PTPRQ: variants seen among roughly 807,000 people sequenced by gnomAD.
PTPRQ encodes protein tyrosine phosphatase receptor type Q.
A neutral mutation model predicts 246.0 loss-of-function variants in PTPRQ; 199 were observed. That is an observed-to-expected ratio of 0.81 (90% CI 0.72 to 0.91). The LOEUF (loss-of-function observed/expected upper bound fraction) is 0.91, where lower values mean the gene tolerates loss of function less well. Ranked by LOEUF, PTPRQ falls within the 40% of genes least tolerant of loss-of-function variation. The pLI, the probability that PTPRQ is intolerant of heterozygous loss-of-function variation, is 0.00. For missense variants in PTPRQ, 2,624 were observed against 2,528.4 expected, an observed-to-expected ratio of 1.04 and a Z score of -0.81; for synonymous variants, 869 against 853.2, an observed-to-expected ratio of 1.02 and a Z score of -0.32.
chr12:80,583,603 C>T (rs1565800915), intron 25 of PTPRQ: 1 of 152,148 alleles, frequency 6.6e-6, no homozygotes, highest in Non-Finnish European at 1.5e-5. Context: ...TAAGCAGAGG[C>T]TGGGTAAGTA....
chr12:80,471,032 C>T (rs967988689), intron 7 of PTPRQ, among the ~76,000 whole-genome samples: 1 of 152,110 alleles, frequency 6.6e-6, no homozygotes, highest in African/African-American at 2.4e-5. Context: ...AGATGGTAGC[C>T]TTGAACCAAA....
In PTPRQ at chr12:80,603,496, C is replaced by G. The variant is rs1351132345; in HGVS notation, c.4610-1563C>G. Among the ~76,000 whole-genome samples the G allele has an allele frequency of 5.3e-5, 8 of 151,740 alleles. No individual in the cohort carries two copies. The East Asian group carries it at 1.6e-3, about 30-fold the overall frequency. ...TTTATTCCTCCATAAATACTGGTCTCTCTGTGATAGTTCTGTTTCTTGGAT... is the reference window on the plus strand; with the variant it reads ...TTTATTCCTCCATAAATACTGGTCTGTCTGTGATAGTTCTGTTTCTTGGAT... On this transcript the variant is annotated intron_variant, in intron 26 of 44. Transcript: ENST00000644991.
chr12:80,578,644 T>C (rs1226209429), intron 25 of PTPRQ, among the ~76,000 whole-genome samples: 2 of 152,146 alleles, frequency 1.3e-5, no homozygotes, highest in South Asian at 2.1e-4. Context: ...CCGCCCGCCT[T>C]GGCCTCCCAA....
chr12:80,521,485 T>TA (rs1298752304), intron 17 of PTPRQ, among the ~76,000 whole-genome samples: 1 of 152,250 alleles, frequency 6.6e-6, no homozygotes, highest in Non-Finnish European at 1.5e-5. Flanking sequence ...CTAGAGTTTT[T>TA]ATGGTTTTAG....
chr12:80,533,294 G>C (rs2030860937), intron 17 of PTPRQ, among the ~76,000 whole-genome samples: 2 of 151,834 alleles, frequency 1.3e-5, no homozygotes. Flanking sequence ...GTTATATTTT[G>C]TTCTTTAGAC....
chr12:80,556,668 T>A (rs1756987707), intron 25 of PTPRQ, among the ~76,000 whole-genome samples: 1 of 152,318 alleles, frequency 6.6e-6, no homozygotes, highest in South Asian at 2.1e-4. Context: ...ATATCTTGGA[T>A]GGTTAGGTTG....
chr12:80,671,218 G>A (rs983204213), intron 42 of PTPRQ, among the ~76,000 whole-genome samples: 3 of 151,940 alleles, frequency 2.0e-5, no homozygotes, highest in Admixed American at 1.3e-4. Context: ...TAAAATATAT[G>A]AACAATGCTT....
At chr12:80,660,686 A>C (rs1224826161) in intron 39 of PTPRQ, among the ~76,000 whole-genome samples, 2 of 152,024 alleles carry the variant, frequency 1.3e-5, no homozygotes, top group Non-Finnish European at 2.9e-5. Flanking sequence ...ATTAAAGGCT[A>C]TCATGCAAAT....
rs1310256282 is a variant in PTPRQ at position 80,502,010 on chromosome 12, T to G, written c.2273-4014T>G. ...TTTTGATAAGAAGTGGAGAGTAGAC[T>G]TCAGTAATAGCTGAAGGAACAAGTG... On this transcript the variant is annotated intron_variant, in intron 14 of 44. Coordinates refer to ENST00000644991, the MANE Select transcript of PTPRQ (RefSeq NM_001145026.2). Among the ~76,000 whole-genome samples the G allele has an allele frequency of 3.9e-5, 6 of 152,008 alleles. No homozygotes were observed. The East Asian group carries it at 1.2e-3, about 29-fold the overall frequency.
At chr12:80,465,497 T>G (rs2120509979) in intron 6 of PTPRQ, 1 of 152,288 alleles carries the variant, frequency 6.6e-6, no homozygotes, top group East Asian at 1.9e-4. Flanking sequence ...CCTCCCTAAC[T>G]CATTTTATGA....
chr12:80,554,141 T>C (rs2120890326), intron 25 of PTPRQ, among the ~76,000 whole-genome samples: 1 of 152,292 alleles, frequency 6.6e-6, no homozygotes, highest in East Asian at 1.9e-4. Context: ...GAATAAGGTC[T>C]AGTATTTGAT....
chr12:80,582,291 T>A (rs1897465807), intron 25 of PTPRQ, among the ~76,000 whole-genome samples: 1 of 152,154 alleles, frequency 6.6e-6, no homozygotes, highest in Non-Finnish European at 1.5e-5. Context: ...GGTTTATGCT[T>A]GCTGTGCTGG....
intron 19 of PTPRQ, among the ~76,000 whole-genome samples, chr12:80,539,257 A>C (rs73150703): frequency 0.045 from 6,855 of 152,204 alleles, 183 homozygotes; most frequent in African/African-American, 0.062. Flanking sequence ...AACTGTGAGA[A>C]GTAAAGTCTG....
At position 80,483,391 on chromosome 12, in the gene PTPRQ, G is replaced by T. The variant is rs1289237337; in HGVS notation, c.1187-1042G>T. ...GGGCCTGTTGTGGGGTGGGGGGAGG[G>T]GGGAGGGATAGCATTGGGAGATATA... On this transcript the variant is annotated intron_variant, in intron 8 of 44. Transcript: ENST00000644991. Among the ~76,000 whole-genome samples the T allele has an allele frequency of 4.1e-3, 443 of 108,280 alleles. 3 individuals are homozygous for T. The highest frequency in any genetic ancestry group is 0.027 in the Admixed American group (247 of 9,308). 71.0% of individuals were successfully genotyped at this position (108,280 alleles called of 152,430 possible).
chr12:80,628,343 C>T (rs78393987), intron 33 of PTPRQ, among the ~76,000 whole-genome samples: 505 of 152,114 alleles, frequency 3.3e-3, no homozygotes, highest in Non-Finnish European at 5.6e-3. Context: ...GCAGGATAGC[C>T]ACAGGAACTC....
At chr12:80,531,907 G>GC (rs1286882661) in intron 17 of PTPRQ, among the ~76,000 whole-genome samples, 2 of 152,106 alleles carry the variant, frequency 1.3e-5, no homozygotes, top group East Asian at 3.9e-4. Context: ...GAACTACTAT[G>GC]TTTTTATTAA....
At chr12:80,475,829 A>G (rs1395487859) in intron 8 of PTPRQ, among the ~76,000 whole-genome samples, 2 of 152,048 alleles carry the variant, frequency 1.3e-5, no homozygotes, top group Non-Finnish European at 2.9e-5. Context: ...ATAGAAATAT[A>G]TATGCTAATT....
chr12:80,642,947 CA>C lies in PTPRQ; in HGVS notation c.5916-5948del, dbSNP rs1169751290. ...AAAAAAAAAAAAAAAAAAAAAAAAA[CA>C]ATTGAGTATCTCTCAAGTGCTAGGC... On this transcript the variant is annotated intron_variant, in intron 35 of 44. Coordinates refer to ENST00000644991, the MANE Select transcript of PTPRQ (RefSeq NM_001145026.2). Among the ~76,000 whole-genome samples, 178 of 91,218 alleles carry C rather than the reference CA, an allele frequency of 2.0e-3. 2 individuals carry two copies. Among genetic ancestry groups the C allele is most frequent in the African/African-American group, 6.8e-3 (174 of 25,532 alleles). The allele number at this position is 91,218 out of a possible 152,430, so 59.8% of individuals were successfully genotyped here.
At chr12:80,656,528 T>G (rs538956405) in intron 38 of PTPRQ, among the ~76,000 whole-genome samples, 50 of 152,216 alleles carry the variant, frequency 3.3e-4, no homozygotes, top group African/African-American at 1.1e-3. Flanking sequence ...TATTTCATGT[T>G]TAGTTAAAAA....
Sources: gnomAD v4.1 joint callset for allele counts (sites outside exome capture counted in the v4.1 genomes callset) on GRCh38, gnomAD v4.1.1 for gene constraint, MANE v1.5 for transcripts, NCBI Gene and HGNC (gene_info 2026-07-23, HGNC 2026-07-21) for gene names.